RALGPS2: variants seen among roughly 807,000 people sequenced by gnomAD.
RALGPS2 encodes Ral GEF with PH domain and SH3 binding motif 2, also known as ras-specific guanine nucleotide-releasing factor RalGPS2.
In RALGPS2, 43 loss-of-function variants were observed where a neutral mutation model predicts 86.8. That is an observed-to-expected ratio of 0.50 (90% CI 0.39 to 0.64). The LOEUF (loss-of-function observed/expected upper bound fraction) is 0.64. Among genes scored for constraint, RALGPS2 ranks in the 30% least tolerant of loss-of-function variants. RALGPS2 has a pLI of 0.00. For missense variants in RALGPS2, 536 were observed against 694.6 expected (o/e 0.77, Z 2.57); for synonymous variants, 243 against 231.3 (o/e 1.05, Z -0.46).
intron 1 of RALGPS2, among the ~76,000 whole-genome samples, chr1:178,751,632 C>T (rs1651663223): frequency 6.6e-6 from 1 of 152,178 alleles, no homozygotes; most frequent in African/African-American, 2.4e-5. Flanking sequence ...ATCTCTGTAA[C>T]ACCTCAATAC....
chr1:178,731,265 T>C (rs1650328456), intron 1 of RALGPS2, among the ~76,000 whole-genome samples: 1 of 145,678 alleles, frequency 6.9e-6, no homozygotes, highest in Admixed American at 7.3e-5. Flanking sequence ...CTTTTCTAGT[T>C]GTTTTGGTTT....
chr1:178,861,758 T>A (rs1005589382), intron 8 of RALGPS2, among the ~76,000 whole-genome samples: 1 of 152,188 alleles, frequency 6.6e-6, no homozygotes, highest in Non-Finnish European at 1.5e-5. Flanking sequence ...TAAAACAAAA[T>A]TTTTAAAGGA....
intron 1 of RALGPS2, chr1:178,747,729 A>C: frequency 8.2e-7 from 1 of 1,224,034 alleles, no homozygotes; most frequent in Non-Finnish European, 1.2e-6. Context: ...CAACTCCTTG[A>C]ACTCCCACTT....
At chr1:178,766,644 A>G (rs1168059773) in intron 1 of RALGPS2, among the ~76,000 whole-genome samples, 2 of 152,072 alleles carry the variant, frequency 1.3e-5, no homozygotes, top group African/African-American at 2.4e-5. Context: ...CCCTTTTTAG[A>G]TGACCTACCT....
At chr1:178,819,743 G>A (rs150188465) in intron 6 of RALGPS2, among the ~76,000 whole-genome samples, 389 of 152,272 alleles carry the variant, frequency 2.6e-3, no homozygotes, top group African/African-American at 8.9e-3. Flanking sequence ...GTAGGTCAAG[G>A]TGTCTAATTT....
chr1:178,838,307 G>A (rs7545973), intron 8 of RALGPS2, among the ~76,000 whole-genome samples: 3,327 of 152,272 alleles, frequency 0.022, 141 homozygotes, highest in African/African-American at 0.076. Context: ...ACACATCTGG[G>A]TAGCCCTCTG....
intron 4 of RALGPS2, among the ~76,000 whole-genome samples, chr1:178,789,415 C>A (rs551010388): frequency 6.6e-6 from 1 of 152,300 alleles, no homozygotes; most frequent in Admixed American, 6.5e-5. Flanking sequence ...GGCCTGAAGC[C>A]AGATGCATGT....
At chr1:178,785,006 A>C (rs1442612398) in intron 3 of RALGPS2, among the ~76,000 whole-genome samples, 1 of 152,048 alleles carries the variant, frequency 6.6e-6, no homozygotes, top group Non-Finnish European at 1.5e-5. Flanking sequence ...TCCTAATGTT[A>C]AACCATTCCT....
intron 6 of RALGPS2, among the ~76,000 whole-genome samples, chr1:178,820,383 A>C (rs1655440627): frequency 6.6e-6 from 1 of 152,164 alleles, no homozygotes; most frequent in South Asian, 2.1e-4. Flanking sequence ...TCACATGTAA[A>C]AATGGCCCTT....
At chr1:178,853,277 G>T in intron 8 of RALGPS2, 3 of 932,042 alleles carry the variant, frequency 3.2e-6, no homozygotes, top group Non-Finnish European at 3.8e-6. Flanking sequence ...CCTTAAAAAG[G>T]GTTCCTGGTC....
intron 17 of RALGPS2, among the ~76,000 whole-genome samples, chr1:178,899,965 A>C (rs1660101144): frequency 2.0e-5 from 3 of 152,004 alleles, no homozygotes; most frequent in Admixed American, 1.3e-4. Flanking sequence ...AATTTCTTAG[A>C]AATGACAATT....
chr1:178,852,376 G>A (rs976332877), intron 8 of RALGPS2, among the ~76,000 whole-genome samples: 48 of 152,204 alleles, frequency 3.2e-4, no homozygotes, highest in African/African-American at 1.1e-3. Context: ...TGCCTGGCAC[G>A]TGGTAGGTGT....
chr1:178,824,155 G>T (rs1030383751), intron 7 of RALGPS2, among the ~76,000 whole-genome samples: 2 of 152,278 alleles, frequency 1.3e-5, no homozygotes, highest in South Asian at 4.1e-4. Flanking sequence ...GGAAAGGATT[G>T]GTGACCTCGG....
At chr1:178,815,631 A>G (rs1234642841) in intron 6 of RALGPS2, among the ~76,000 whole-genome samples, 1 of 152,224 alleles carries the variant, frequency 6.6e-6, no homozygotes, top group Non-Finnish European at 1.5e-5. Context: ...AACAGTGAAC[A>G]TTCTAGAGAA....
intron 10 of RALGPS2, chr1:178,879,320 A>G (rs1659131761): frequency 5.6e-6 from 1 of 179,252 alleles, no homozygotes; most frequent in African/African-American, 2.3e-5. Flanking sequence ...AGAAAAATTA[A>G]TGAAACTTTT....
intron 1 of RALGPS2, among the ~76,000 whole-genome samples, chr1:178,730,703 T>G (rs1393733587): frequency 2.0e-5 from 3 of 151,438 alleles, no homozygotes; most frequent in East Asian, 1.9e-4. Flanking sequence ...TGTTTTTTTT[T>G]TTGTTTTTTT....
intron 8 of RALGPS2, among the ~76,000 whole-genome samples, chr1:178,835,600 C>T (rs1656236387): frequency 6.6e-6 from 1 of 151,874 alleles, no homozygotes; most frequent in Non-Finnish European, 1.5e-5. Context: ...ACCATATTGG[C>T]CAGGCTAGTC....
chr1:178,882,812 G>A (rs1036409691), intron 10 of RALGPS2, among the ~76,000 whole-genome samples: 13 of 152,286 alleles, frequency 8.5e-5, no homozygotes, highest in Admixed American at 7.8e-4. Context: ...ACTTAGGACA[G>A]GGACTTACTA....
intron 10 of RALGPS2, chr1:178,879,915 T>A (rs1659167213): frequency 6.6e-6 from 1 of 152,258 alleles, no homozygotes; most frequent in South Asian, 2.1e-4. Flanking sequence ...ATTAACCCTT[T>A]CATCTTTCGT....
Sources: allele counts gnomAD v4.1 joint callset (sites outside exome capture counted in the v4.1 genomes callset), GRCh38; gene constraint gnomAD v4.1.1; transcripts MANE v1.5; gene names NCBI Gene and HGNC (gene_info 2026-07-23, HGNC 2026-07-21).